Variants in ZFYVE28 observed in about 807,000 individuals in gnomAD.
The protein encoded by ZFYVE28 is lateral signaling target protein 2 homolog.
Under a neutral mutation model 82.1 loss-of-function variants are expected in ZFYVE28, and 40 were observed. That is an observed-to-expected ratio of 0.49 (90% CI 0.38 to 0.63). ZFYVE28 has a LOEUF of 0.63. Ranked by LOEUF, ZFYVE28 falls within the 30% of genes least tolerant of loss-of-function variation. The pLI is 0.00. For missense variants in ZFYVE28, 1,321 were observed against 1,242.1 expected, an observed-to-expected ratio of 1.06 and a Z score of -0.96; for synonymous variants, 612 against 546.1, an observed-to-expected ratio of 1.12 and a Z score of -1.68.
chr4:2,325,269 G>T (rs1719691832), intron 6 of ZFYVE28, among the ~76,000 whole-genome samples: 1 of 152,126 alleles, frequency 6.6e-6, no homozygotes, highest in South Asian at 2.1e-4. Context: ...CAAATTTATT[G>T]TTGCAAATGA....
chr4:2,335,683 C>T lies in ZFYVE28; in HGVS notation c.701+22G>A, dbSNP rs895784082. ...CCGTCCCGCAGGTTTCTGCAGAGGTCCTGGGCACAGGAGGCACTCACCACA... is the reference window on the plus strand; with the variant it reads ...CCGTCCCGCAGGTTTCTGCAGAGGTTCTGGGCACAGGAGGCACTCACCACA... On this transcript the variant is annotated intron_variant, in intron 6 of 12. Transcript: ENST00000290974. This position sits in a 1 kb window ranked among gnomAD's most constrained non-coding sequence, Gnocchi z 5.8. The T allele has an allele frequency of 6.4e-7, 1 of 1,560,682 alleles. No individual in the cohort carries two copies. Among genetic ancestry groups the T allele is most frequent in the African/African-American group, 1.4e-5 (1 of 73,812 alleles).
At chr4:2,338,307 G>T (rs1046399607) in intron 4 of ZFYVE28, among the ~76,000 whole-genome samples, 1 of 152,200 alleles carries the variant, frequency 6.6e-6, no homozygotes, top group African/African-American at 2.4e-5. Flanking sequence ...CCAACTCTAG[G>T]CCAGGTGCAG....
intron 9 of ZFYVE28, among the ~76,000 whole-genome samples, chr4:2,273,657 G>A (rs961008501): frequency 2.6e-5 from 4 of 152,038 alleles, no homozygotes; most frequent in African/African-American, 9.7e-5. Context: ...GCCAGTGCTT[G>A]TGACTGTCAC....
chr4:2,399,742 C>A (rs966280004), intron 1 of ZFYVE28, among the ~76,000 whole-genome samples: 1 of 152,242 alleles, frequency 6.6e-6, no homozygotes, highest in African/African-American at 2.4e-5. Flanking sequence ...CAGAGCAGAG[C>A]GGAAGAAACA....
rs1716190668 is a variant in ZFYVE28, at chr4:2,304,481, G to A, written c.1859C>T (p.Ala620Val). The change falls in exon 8 of 13, where the codon GCC becomes GTC. Residue 620 changes from alanine (A) to valine (V), a missense_variant. By Grantham distance (64) the Ala-to-Val change is moderately conservative. Around this residue, in one of 2 missense-constraint regions of ZFYVE28, gnomAD observed 978 missense variants for 833.7 expected, o/e 1.17. Transcript: ENST00000290974. The part of the protein sequence containing the change: ...QEEAPPPSED[A>V]SNGREPKAPT... ...GGCTTTGGGCTCCCGCCCGTTGGAG[G>A]CATCTTCTGAGGGTGGGGGCGCCTC... is the stretch of plus-strand genomic sequence containing the variant. The A allele has an allele frequency of 1.2e-6, 2 of 1,613,186 alleles. No homozygotes were observed. The highest frequency in any genetic ancestry group is 1.1e-5 in the South Asian group (1 of 91,068).
intron 7 of ZFYVE28, among the ~76,000 whole-genome samples, chr4:2,312,726 CAAAAAAAAAAAA>C (rs1170479977): frequency 1.5e-5 from 1 of 64,932 alleles, no homozygotes; most frequent in African/African-American, 6.7e-5. Flanking sequence ...GACTCTGCCT[CAAAAAAAAAAAA>C]AAAAAAAAAA....
In ZFYVE28 at chr4:2,394,583, C is replaced by G. The variant is rs1730223541; in HGVS notation, c.39+23702G>C. On this transcript the variant is annotated intron_variant, in intron 1 of 12. Coordinates refer to ENST00000290974, the MANE Select transcript of ZFYVE28 (RefSeq NM_020972.3). The surrounding 1 kb of genome is among the most constrained non-coding windows in gnomAD (Gnocchi z 4.0). ...GTTATGATGGCTCCAGCTGTGTGCACATAAGGTCCTAAAACATCAACGCCT... is the reference window on the plus strand; with the variant it reads ...GTTATGATGGCTCCAGCTGTGTGCAGATAAGGTCCTAAAACATCAACGCCT... Among the ~76,000 whole-genome samples, 2 of 152,218 alleles carry G rather than the reference C, an allele frequency of 1.3e-5. No homozygotes were observed. Among genetic ancestry groups the G allele is most frequent in the Non-Finnish European group, 2.9e-5 (2 of 68,026 alleles).
At chr4:2,325,715 T>C (rs1415304168) in intron 6 of ZFYVE28, among the ~76,000 whole-genome samples, 1 of 151,554 alleles carries the variant, frequency 6.6e-6, no homozygotes, top group Admixed American at 6.6e-5. Context: ...AATCCTCTCG[T>C]CTTAGCCTCC....
intron 1 of ZFYVE28, among the ~76,000 whole-genome samples, chr4:2,354,965 C>T (rs565522276): frequency 5.9e-5 from 9 of 151,730 alleles, no homozygotes; most frequent in South Asian, 4.2e-4. Flanking sequence ...GGAAACTCTA[C>T]GCTCAGAGGT....
intron 2 of ZFYVE28, among the ~76,000 whole-genome samples, chr4:2,352,385 G>C (rs562718134): frequency 6.6e-6 from 1 of 152,112 alleles, no homozygotes; most frequent in Non-Finnish European, 1.5e-5. Flanking sequence ...GGAGGAGGCT[G>C]GGGGAGGAAG....
chr4:2,379,134 C>G lies in ZFYVE28; in HGVS notation c.40-25061G>C, dbSNP rs555795542. ...ACAGCATCTGAGAGTGGCCAAGCCC[C>G]CCAGTCTGCACCATGCTGGCAGCAG... On this transcript the variant is annotated intron_variant, in intron 1 of 12. Coordinates refer to ENST00000290974, the MANE Select transcript of ZFYVE28 (RefSeq NM_020972.3). Among the ~76,000 whole-genome samples the G allele has an allele frequency of 2.2e-3, 329 of 152,314 alleles. 1 individual carries two copies. The highest frequency in any genetic ancestry group is 7.5e-3 in the African/African-American group (313 of 41,568).
At chr4:2,360,574 A>C (rs1218086838) in intron 1 of ZFYVE28, among the ~76,000 whole-genome samples, 1 of 152,140 alleles carries the variant, frequency 6.6e-6, no homozygotes, top group East Asian at 1.9e-4. Flanking sequence ...CGGGAGCAGG[A>C]GGGGTCTTTA....
In ZFYVE28 at chr4:2,320,256, A is replaced by G. The variant is rs1320076904; in HGVS notation, c.717T>C (p.Tyr239=). 5.0e-6 allele frequency: 8 copies of G among 1,613,752 alleles called. No individual in the cohort carries two copies. The highest frequency in any genetic ancestry group is 4.0e-5 in the African/African-American group (3 of 74,838). ...GGTCCAAGTTCAGAGGTCCGTCCGC[A>G]TAGACCACGAGGCCACTGCATTTGA... The part of the protein sequence containing the change: ...RLAIVCGLVV[Y]ADGPLNLDRK... Residue 239 remains tyrosine, a synonymous_variant, in exon 7 of 13, where the codon TAT becomes TAC. Transcript: ENST00000290974. The surrounding 1 kb of genome is among the most constrained non-coding windows in gnomAD (Gnocchi z 5.1).
intron 7 of ZFYVE28, among the ~76,000 whole-genome samples, chr4:2,318,805 C>A (rs151121965): frequency 6.6e-6 from 1 of 152,152 alleles, no homozygotes; most frequent in Non-Finnish European, 1.5e-5. Flanking sequence ...TTTGGAAGAC[C>A]GAGGCCGGAG....
Position 2,417,522 on chromosome 4 carries a change from C to G in ZFYVE28, c.39+763G>C, listed in dbSNP as rs1286045478. Reference sequence around the variant, plus strand: ...GGCTGGAGAGCCGCACCTCCCGCCCCGCCGAGGCTGCTGGCCACGGGCGCG... The same window carrying G: ...GGCTGGAGAGCCGCACCTCCCGCCCGGCCGAGGCTGCTGGCCACGGGCGCG... On this transcript the variant is annotated intron_variant, in intron 1 of 12. Transcript: ENST00000290974. The surrounding 1 kb of genome is among the most constrained non-coding windows in gnomAD (Gnocchi z 4.8). Among the ~76,000 whole-genome samples the G allele has an allele frequency of 2.0e-5, 3 of 151,736 alleles. No homozygotes were observed. The highest frequency in any genetic ancestry group is 7.3e-5 in the African/African-American group (3 of 41,378).
chr4:2,370,293 G>A (rs1404582258), intron 1 of ZFYVE28, among the ~76,000 whole-genome samples: 1 of 150,298 alleles, frequency 6.7e-6, no homozygotes, highest in Non-Finnish European at 1.5e-5. Flanking sequence ...TGTCATCAGG[G>A]GCACTGAGAA....
chr4:2,382,428 T>C (rs113041505), intron 1 of ZFYVE28, among the ~76,000 whole-genome samples: 28,113 of 152,210 alleles, frequency 0.18, 3,121 homozygotes, highest in African/African-American at 0.32. Flanking sequence ...CCCAAGACGA[T>C]GGGAACCCAC....
intron 1 of ZFYVE28, among the ~76,000 whole-genome samples, chr4:2,405,758 T>G (rs1248463472): frequency 2.0e-5 from 3 of 152,178 alleles, no homozygotes; most frequent in Non-Finnish European, 4.4e-5. Context: ...AGTTTCAAAA[T>G]GCCCACTGGC....
At chr4:2,304,163 G>C (rs1716101859) in intron 8 of ZFYVE28, 126 bp downstream of exon 8, 2 of 1,282,188 alleles carry the variant, frequency 1.6e-6, no homozygotes. Flanking sequence ...ACTCGGCCAG[G>C]GCCCAGCACC....
Sources: gnomAD v4.1 joint callset for allele counts (sites outside exome capture counted in the v4.1 genomes callset) on GRCh38, gnomAD v4.1.1 for gene constraint, gnomAD v4.1.1 regional missense constraint, Gnocchi (gnomAD v3.1) non-coding constraint, MANE v1.5 for transcripts, NCBI Gene and HGNC (gene_info 2026-07-23, HGNC 2026-07-21) for gene names.